SETD7: variants seen among roughly 807,000 people sequenced by gnomAD.
The protein encoded by SETD7 is histone-lysine N-methyltransferase SETD7.
SETD7 carries 16 observed loss-of-function variants against 41.8 expected under a neutral mutation model. The ratio of observed to expected loss-of-function variants is 0.38; its 90% CI spans 0.26 to 0.58. The LOEUF (loss-of-function observed/expected upper bound fraction) is 0.58. SETD7 is among the 20% of genes least tolerant of loss of function. The pLI, the probability that SETD7 is intolerant of heterozygous loss-of-function variation, is 0.64. For synonymous variants in SETD7, 163 were observed against 169.7 expected (o/e 0.96, Z 0.31); for missense variants, 346 against 459.7 (o/e 0.75, Z 2.26).
chr4:139,539,739 G>A (rs1473267632), intron 2 of SETD7, among the ~76,000 whole-genome samples: 1 of 152,240 alleles, frequency 6.6e-6, no homozygotes, highest in East Asian at 1.9e-4. Flanking sequence ...GGTATTAAGA[G>A]GTGGGGCCTT....
chr4:139,537,462 C>T (rs1168881138), intron 2 of SETD7, among the ~76,000 whole-genome samples: 2 of 142,060 alleles, frequency 1.4e-5, no homozygotes, highest in Non-Finnish European at 3.1e-5. Context: ...ACTCATCATC[C>T]GCGGGGAACC....
chr4:139,525,823 A>G lies in SETD7; in HGVS notation c.563-2388T>C, dbSNP rs553179565. On this transcript the variant is annotated intron_variant, in intron 4 of 7. Transcript: ENST00000274031. The stretch of plus-strand genomic sequence containing the variant: ...TAACTGGAAGGGGCAGAGGAGAGAT[A>G]CAAACATGGCAGAACATTAGACTAA... Among the ~76,000 whole-genome samples the G allele has an allele frequency of 1.1e-4, 17 of 152,290 alleles. No individual in the cohort carries two copies. The South Asian group carries it at 3.5e-3, about 32-fold the overall frequency.
chr4:139,548,515 C>T (rs1006418594), intron 1 of SETD7, among the ~76,000 whole-genome samples: 3 of 152,094 alleles, frequency 2.0e-5, no homozygotes, highest in Admixed American at 6.5e-5. Context: ...GTCTGTAATC[C>T]CAGCTACTCA....
chr4:139,545,879 C>T (rs1367204367), intron 2 of SETD7, among the ~76,000 whole-genome samples: 2 of 152,190 alleles, frequency 1.3e-5, no homozygotes, highest in African/African-American at 4.8e-5. Context: ...AAGTCAGTTT[C>T]CATTTTACCC....
intron 2 of SETD7, among the ~76,000 whole-genome samples, chr4:139,536,910 C>T (rs1206848853): frequency 1.3e-5 from 2 of 152,158 alleles, no homozygotes; most frequent in South Asian, 2.1e-4. Context: ...GGCTGAGGCA[C>T]GAGAATTGCT....
intron 1 of SETD7, among the ~76,000 whole-genome samples, chr4:139,551,893 G>C (rs1198295010): frequency 6.6e-6 from 1 of 151,968 alleles, no homozygotes; most frequent in East Asian, 1.9e-4. Flanking sequence ...ATAATAAAAG[G>C]CAAGCTTATT....
In SETD7 at chr4:139,529,092, G is replaced by A; in HGVS notation, c.501C>T (p.Gly167=). ...CAGTGGACATAAGGGTAGCCAGTTTGCCTTCTATCATCTCTCCATCAATAA... is the reference window on the plus strand; with the variant it reads ...CAGTGGACATAAGGGTAGCCAGTTTACCTTCTATCATCTCTCCATCAATAA... ...GKFIDGEMIE[G]KLATLMSTEE... is the part of the protein sequence containing the mutation. The change falls in exon 4 of 8, where the codon GGC becomes GGT. Residue 167 remains glycine, a synonymous_variant. Coordinates refer to ENST00000274031, the MANE Select transcript of SETD7 (RefSeq NM_030648.4). The A allele has an allele frequency of 6.2e-7, 1 of 1,614,036 alleles. No homozygotes were observed. Among genetic ancestry groups the A allele is most frequent in the Non-Finnish European group, 8.5e-7 (1 of 1,179,978 alleles).
rs566340624 is a variant in SETD7 at position 139,543,358 on chromosome 4, C to T, written c.170+3562G>A. 9.2e-5 allele frequency among the ~76,000 whole-genome samples: 14 copies of T among 152,326 alleles called. No homozygotes were observed. The East Asian group carries it at 1.3e-3, about 15-fold the overall frequency. The stretch of plus-strand genomic sequence containing the variant: ...GCCTTAGAAAACCCTGGTAGATTCT[C>T]GACCTTTTATTCAGTTGTAAGACTC... On this transcript the variant is annotated intron_variant, in intron 2 of 7. Transcript: ENST00000274031.
At chr4:139,521,600 A>G (rs1426885106) in intron 5 of SETD7, among the ~76,000 whole-genome samples, 1 of 152,118 alleles carries the variant, frequency 6.6e-6, no homozygotes, top group African/African-American at 2.4e-5. Context: ...CTTCGCTGTG[A>G]TAGAATTATA....
chr4:139,515,177 A>G (rs2111126762), intron 7 of SETD7, among the ~76,000 whole-genome samples: 1 of 152,108 alleles, frequency 6.6e-6, no homozygotes, highest in East Asian at 1.9e-4. Flanking sequence ...CAAAAAAAAA[A>G]AAAAAAAAAA....
chr4:139,497,732 G>A (rs1411789803), intron 7 of SETD7, among the ~76,000 whole-genome samples: 2 of 151,794 alleles, frequency 1.3e-5, no homozygotes, highest in African/African-American at 4.8e-5. Flanking sequence ...TGGGATTACA[G>A]GCGGCGCCTG....
chr4:139,501,616 C>A (rs115241718), downstream of SETD7, among the ~76,000 whole-genome samples: 1,168 of 147,342 alleles, frequency 7.9e-3, 17 homozygotes, highest in African/African-American at 0.029. Flanking sequence ...CAAAAAAAAA[C>A]CCCAAATAAA....
At chr4:139,503,509 C>A (rs1473384632), downstream of SETD7, among the ~76,000 whole-genome samples, 1 of 152,100 alleles carries the variant, frequency 6.6e-6, no homozygotes, top group East Asian at 1.9e-4. Context: ...GGTGTGGTAA[C>A]AGTACCTATA....
intron 7 of SETD7, among the ~76,000 whole-genome samples, chr4:139,512,799 C>G (rs1187091369): frequency 7.8e-6 from 1 of 127,826 alleles, no homozygotes; most frequent in Non-Finnish European, 1.6e-5. Flanking sequence ...GCTCTGTTGC[C>G]CAGGCTGAAG....
At chr4:139,512,758 T>A (rs1726916154) in intron 7 of SETD7, among the ~76,000 whole-genome samples, 2 of 136,048 alleles carry the variant, frequency 1.5e-5, no homozygotes, top group Non-Finnish European at 3.2e-5. Context: ...TATTCTTTTT[T>A]TTTTTTTTTT....
intron 2 of SETD7, among the ~76,000 whole-genome samples, chr4:139,534,134 T>C (rs965285095): frequency 2.0e-5 from 3 of 152,110 alleles, no homozygotes; most frequent in Non-Finnish European, 2.9e-5. Context: ...ACAGGGATGC[T>C]CACGTGATTT....
chr4:139,497,580 TG>T (rs1726485984), intron 7 of SETD7, among the ~76,000 whole-genome samples: 1 of 150,300 alleles, frequency 6.7e-6, no homozygotes, highest in Non-Finnish European at 1.5e-5. Context: ...ATGTTTTTTT[TG>T]TTTTTTTGTT....
At position 139,533,985 on chromosome 4, in the gene SETD7, GTATGTATA is replaced by G. The variant is rs1307080406; in HGVS notation, c.171-627_171-620del. Among the ~76,000 whole-genome samples the G allele has an allele frequency of 5.9e-4, 89 of 152,092 alleles. 1 individual carries two copies. In the South Asian group the frequency reaches 7.7e-3, roughly 13 times the overall value. ...TATATCTATGTATGTATGTATGTAT[GTATGTATA>G]TCTATGTATATACATACATCCATGA... On this transcript the variant is annotated intron_variant, in intron 2 of 7. Transcript: ENST00000274031.
At chr4:139,498,751 C>T (rs1726513445) in intron 7 of SETD7, among the ~76,000 whole-genome samples, 2 of 152,220 alleles carry the variant, frequency 1.3e-5, no homozygotes, top group Non-Finnish European at 2.9e-5. Flanking sequence ...CCAACCAGAA[C>T]TATTTTTCCC....
Sources: gnomAD v4.1 joint callset for allele counts (sites outside exome capture counted in the v4.1 genomes callset) on GRCh38, gnomAD v4.1.1 for gene constraint, MANE v1.5 for transcripts, NCBI Gene and HGNC (gene_info 2026-07-23, HGNC 2026-07-21) for gene names.